The following CDC42SE2 variants were observed in gnomAD, a reference collection of about 807,000 sequenced individuals.
CDC42SE2 encodes CDC42 small effector protein 2.
Under a neutral mutation model 11.5 loss-of-function variants are expected in CDC42SE2, and 3 were observed. The observed-to-expected ratio is 0.26, with a 90% CI of 0.12 to 0.67. The LOEUF (loss-of-function observed/expected upper bound fraction) is 0.67. CDC42SE2 is among the 30% of genes least tolerant of loss of function. The pLI is 0.80. For missense variants in CDC42SE2, 82 were observed against 106.8 expected, an observed-to-expected ratio of 0.77 and a Z score of 1.02; for synonymous variants, 33 against 34.8, an observed-to-expected ratio of 0.95 and a Z score of 0.18.
intron 1 of CDC42SE2, among the ~76,000 whole-genome samples, chr5:131,253,770 T>TA (rs775690062): frequency 3.0e-4 from 46 of 151,528 alleles, no homozygotes; most frequent in South Asian, 8.4e-4. Flanking sequence ...TGTCTAAAAA[T>TA]AAAAAAAAAT....
At chr5:131,292,395 C>T (rs1255849247) in intron 1 of CDC42SE2, among the ~76,000 whole-genome samples, 7 of 148,570 alleles carry the variant, frequency 4.7e-5, no homozygotes, top group Non-Finnish European at 1.0e-4. Flanking sequence ...TGGTGAAAAC[C>T]CATCTCTACT....
At chr5:131,266,954 C>CTTTTTTTTT (rs34496996) in intron 1 of CDC42SE2, among the ~76,000 whole-genome samples, 1 of 69,514 alleles carries the variant, frequency 1.4e-5, no homozygotes, top group African/African-American at 5.0e-5. Flanking sequence ...AAGTGTTTGG[C>CTTTTTTTTT]TTTTTTTTTT....
intron 2 of CDC42SE2, among the ~76,000 whole-genome samples, chr5:131,256,713 G>A (rs567921570): frequency 1.5e-3 from 227 of 152,304 alleles, no homozygotes; most frequent in African/African-American, 5.3e-3. Context: ...TGCTCCTAGA[G>A]CCTACTTGCA....
At chr5:131,351,859 C>T (rs79175581) in intron 2 of CDC42SE2, among the ~76,000 whole-genome samples, 219 of 152,212 alleles carry the variant, frequency 1.4e-3, no homozygotes, top group African/African-American at 4.7e-3. Context: ...TTTAACTCTT[C>T]GAAAGATGTT....
chr5:131,359,347 T>G lies in CDC42SE2; in HGVS notation c.-147T>G. 1 of 725,826 alleles carries G rather than the reference T, an allele frequency of 1.4e-6. No homozygotes were observed. Among genetic ancestry groups the G allele is most frequent in the Non-Finnish European group, 2.5e-6 (1 of 397,080 alleles). The allele number at this position is 725,826 out of a possible 1,614,324, so 45.0% of individuals were successfully genotyped here. ...TTATTAAATCGACTGTGTAAGATACTTGACTTCCAGGAACAAAAACACGGT... is the reference window on the plus strand; with the variant it reads ...TTATTAAATCGACTGTGTAAGATACGTGACTTCCAGGAACAAAAACACGGT... On this transcript the variant is annotated 5_prime_UTR_variant, in exon 3 of 5. Transcript: ENST00000505065.
At chr5:131,237,563 T>G in the CDC42SE2 span, among the ~76,000 whole-genome samples, 133 of 152,006 alleles carry the variant, frequency 8.7e-4, no homozygotes, top group South Asian at 1.5e-3. Context: ...ATACATCACA[T>G]TTTTTTTGCT....
rs1478138678 is a variant in CDC42SE2, at chr5:131,393,369, A to ATCTT, written c.*2280_*2283dup. The ATCTT allele has an allele frequency of 5.3e-5, 8 of 152,346 alleles. No individual in the cohort carries two copies. The highest frequency in any genetic ancestry group is 1.9e-4 in the African/African-American group (8 of 41,452). The allele number at this position is 152,346 out of a possible 1,614,324, so 9.4% of individuals were successfully genotyped here. ...GTACAGCGGGGCACCAGATTACTTG[A>ATCTT]TCTTTGTATTTTGCAGTTTTGAGCC... On this transcript the variant is annotated 3_prime_UTR_variant, in exon 5 of 5. Transcript: ENST00000505065.
chr5:131,346,153 T>C (rs968800516), intron 2 of CDC42SE2, among the ~76,000 whole-genome samples: 2 of 152,158 alleles, frequency 1.3e-5, no homozygotes, highest in Non-Finnish European at 2.9e-5. Flanking sequence ...CACATAAAAA[T>C]GTTTACCTTA....
chr5:131,228,647 A>T, the CDC42SE2 span, among the ~76,000 whole-genome samples: 28 of 152,228 alleles, frequency 1.8e-4, no homozygotes, highest in African/African-American at 6.8e-4. Flanking sequence ...TATCCTCATC[A>T]TGGACAGAAT....
intron 2 of CDC42SE2, among the ~76,000 whole-genome samples, chr5:131,342,546 G>T (rs1758737245): frequency 6.6e-6 from 1 of 150,430 alleles, no homozygotes; most frequent in Non-Finnish European, 1.5e-5. Flanking sequence ...CCGCCACTAT[G>T]CCCAGCTAAC....
chr5:131,295,827 C>T (rs1053603045), intron 1 of CDC42SE2, among the ~76,000 whole-genome samples: 6 of 151,994 alleles, frequency 3.9e-5, no homozygotes, highest in East Asian at 1.9e-4. Flanking sequence ...GGACTACAGG[C>T]GCCCGCCACC....
At position 131,342,302 on chromosome 5, in the gene CDC42SE2, A is replaced by G. The variant is rs551998178; in HGVS notation, c.-285-16907A>G. Reference sequence around the variant, plus strand: ...TCAAAAAAAAAAAAAAAAGGTAAATACCAGAAGAAGCAGCTTGGTAAGTTA... The same window carrying G: ...TCAAAAAAAAAAAAAAAAGGTAAATGCCAGAAGAAGCAGCTTGGTAAGTTA... On this transcript the variant is annotated intron_variant, in intron 2 of 4. Transcript: ENST00000505065. Among the ~76,000 whole-genome samples the G allele has an allele frequency of 1.0e-4, 15 of 149,204 alleles. No individual in the cohort carries two copies. The South Asian group carries it at 3.2e-3, about 32-fold the overall frequency.
rs544879107 is a variant in CDC42SE2 at position 131,368,374 on chromosome 5, G to T, written c.54+8827G>T. Among the ~76,000 whole-genome samples the T allele has an allele frequency of 2.0e-5, 3 of 151,860 alleles. No individual in the cohort carries two copies. In the South Asian group the frequency reaches 6.3e-4, roughly 32 times the overall value. The stretch of plus-strand genomic sequence containing the variant: ...TCTGTTTGACCATTTGTTCATCCTG[G>T]TGCCAATACACGATGATACACAATG... On this transcript the variant is annotated intron_variant, in intron 3 of 4. Coordinates refer to ENST00000505065, the MANE Select transcript of CDC42SE2 (RefSeq NM_001375635.1).
At chr5:131,382,296 T>C (rs140762443) in intron 3 of CDC42SE2, among the ~76,000 whole-genome samples, 2 of 152,346 alleles carry the variant, frequency 1.3e-5, no homozygotes, top group African/African-American at 4.8e-5. Flanking sequence ...TTTGTGAGTA[T>C]GTGTTAATAC....
chr5:131,391,106 C>G lies in CDC42SE2; in HGVS notation c.*15C>G. The G allele has an allele frequency of 6.3e-7, 1 of 1,595,588 alleles. No homozygotes were observed. The highest frequency in any genetic ancestry group is 1.3e-5 in the African/African-American group (1 of 74,608). On this transcript the variant is annotated 3_prime_UTR_variant, in exon 5 of 5. Coordinates refer to ENST00000505065, the MANE Select transcript of CDC42SE2 (RefSeq NM_001375635.1). ...AGGCGGGATAGCCCTGGTCCTTTCT[C>G]CAGTGAGTACTCAGAGCTGGGGTCT...
At chr5:131,373,801 C>T (rs1254076603) in intron 3 of CDC42SE2, among the ~76,000 whole-genome samples, 5 of 151,548 alleles carry the variant, frequency 3.3e-5, no homozygotes, top group Admixed American at 6.6e-5. Flanking sequence ...ACAAAGGAAG[C>T]GAGAGAGAGA....
intron 1 of CDC42SE2, among the ~76,000 whole-genome samples, chr5:131,273,877 A>C (rs910543804): frequency 6.6e-6 from 1 of 151,876 alleles, no homozygotes; most frequent in African/African-American, 2.4e-5. Context: ...TCCCGGGCTC[A>C]GGTGATCCTC....
At chr5:131,212,168 C>G in the CDC42SE2 span, among the ~76,000 whole-genome samples, 2 of 151,702 alleles carry the variant, frequency 1.3e-5, no homozygotes, top group African/African-American at 2.4e-5. Context: ...AGTGCAGTGG[C>G]GCGATCTTGG....
intron 2 of CDC42SE2, among the ~76,000 whole-genome samples, chr5:131,346,572 C>T (rs1460620008): frequency 6.6e-6 from 1 of 152,208 alleles, no homozygotes; most frequent in Non-Finnish European, 1.5e-5. Flanking sequence ...TAACACCCGA[C>T]TGTCAGCATT....
Sources: allele counts gnomAD v4.1 joint callset (sites outside exome capture counted in the v4.1 genomes callset), GRCh38; gene constraint gnomAD v4.1.1; transcripts MANE v1.5; gene names NCBI Gene and HGNC (gene_info 2026-07-23, HGNC 2026-07-21).